Variants in RBFOX1 observed in about 807,000 individuals in gnomAD.
The protein encoded by RBFOX1 is RNA binding fox-1 homolog 1.
Under a neutral mutation model 57.7 loss-of-function variants are expected in RBFOX1, and 8 were observed. The ratio of observed to expected loss-of-function variants is 0.14; its 90% confidence interval spans 0.08 to 0.25. The LOEUF is 0.25. Among genes scored for constraint, RBFOX1 ranks in the 10% least tolerant of loss-of-function variants. RBFOX1 has a pLI of 1.00. For synonymous variants in RBFOX1, 326 were observed against 222.4 expected, an observed-to-expected ratio of 1.47 and a Z score of -4.15; for missense variants, 611 against 548.5, an observed-to-expected ratio of 1.11 and a Z score of -1.14.
chr16:6,694,113 G>C (rs1178137980), intron 3 of RBFOX1, among the ~76,000 whole-genome samples: 1 of 152,198 alleles, frequency 6.6e-6, no homozygotes. Flanking sequence ...GTTTGGAGAA[G>C]AGTTTCATCT....
chr16:6,658,928 G>GTTTTTTTGT (rs1555662284), intron 3 of RBFOX1, among the ~76,000 whole-genome samples: 2 of 87,564 alleles, frequency 2.3e-5, no homozygotes, highest in Middle Eastern at 5.2e-3. Flanking sequence ...TTGTTTTTTG[G>GTTTTTTTGT]TTTTTTTGTT....
chr16:7,217,614 A>C (rs745473353), intron 4 of RBFOX1, among the ~76,000 whole-genome samples: 1 of 152,148 alleles, frequency 6.6e-6, no homozygotes, highest in African/African-American at 2.4e-5. Context: ...TGAGAATATA[A>C]TCAATTACTT....
chr16:6,482,018 T>A (rs2095379050), intron 2 of RBFOX1, among the ~76,000 whole-genome samples: 1 of 152,216 alleles, frequency 6.6e-6, no homozygotes, highest in African/African-American at 2.4e-5. Context: ...ACTTGAAATA[T>A]TGCCTCTAGA....
intron 2 of RBFOX1, chr16:6,483,702 CAG>C: frequency 7.1e-7 from 1 of 1,406,586 alleles, no homozygotes; most frequent in Non-Finnish European, 9.3e-7. Flanking sequence ...GGGCGGGCGA[CAG>C]GGGGAGGAGT....
chr16:6,481,872 G>T (rs1009190940), intron 2 of RBFOX1, among the ~76,000 whole-genome samples: 1 of 152,054 alleles, frequency 6.6e-6, no homozygotes, highest in African/African-American at 2.4e-5. Context: ...CAAGGAGAAA[G>T]TTAAACACTG....
intron 1 of RBFOX1, among the ~76,000 whole-genome samples, chr16:6,207,342 T>C (rs1318580083): frequency 6.6e-6 from 1 of 152,220 alleles, no homozygotes; most frequent in East Asian, 1.9e-4. Context: ...GCTGATAAAA[T>C]TATCTAGCAG....
At position 7,710,771 on chromosome 16, in the gene RBFOX1, A is replaced by C. The variant is rs970699325; in HGVS notation, c.*26A>C. 12 of 1,521,862 alleles carry C rather than the reference A, an allele frequency of 7.9e-6. No individual in the cohort carries two copies. Among genetic ancestry groups the C allele is most frequent in the Non-Finnish European group, 9.7e-6 (11 of 1,132,964 alleles). 94.3% of individuals were successfully genotyped at this position (1,521,862 alleles called of 1,614,324 possible). ...ATGACAAAACCATAAAAACCTTCCA[A>C]TGTGGGGAGAAAGGAAGCTTTCCGA... is the stretch of plus-strand genomic sequence containing the variant. On this transcript the variant is annotated 3_prime_UTR_variant, in exon 16 of 16. Transcript: ENST00000550418.
At chr16:7,434,253 C>T (rs2098704725) in intron 4 of RBFOX1, among the ~76,000 whole-genome samples, 1 of 151,992 alleles carries the variant, frequency 6.6e-6, no homozygotes, top group African/African-American at 2.4e-5. Context: ...AGGCAGATCA[C>T]GACTTCAGAA....
At chr16:5,497,815 G>A (rs942322492) in intron 2 of RBFOX1, among the ~76,000 whole-genome samples, 1 of 152,074 alleles carries the variant, frequency 6.6e-6, no homozygotes, top group Admixed American at 6.5e-5. Context: ...TACAGATTCT[G>A]ATAATTGTCC....
At chr16:6,658,936 G>GTTTTTTTGTTTTTTTTTTTT (rs775736061) in intron 3 of RBFOX1, among the ~76,000 whole-genome samples, 3 of 108,476 alleles carry the variant, frequency 2.8e-5, no homozygotes, top group East Asian at 4.1e-4. Context: ...TGGTTTTTTT[G>GTTTTTTTGTTTTTTTTTTTT]TTTTTTTTGT....
At chr16:7,453,487 A>C (rs190370645) in intron 4 of RBFOX1, among the ~76,000 whole-genome samples, 1 of 152,186 alleles carries the variant, frequency 6.6e-6, no homozygotes, top group Non-Finnish European at 1.5e-5. Context: ...GGTTTTAAGC[A>C]TTGTAGCCTT....
At chr16:6,708,144 G>A (rs2063094067) in intron 3 of RBFOX1, among the ~76,000 whole-genome samples, 1 of 152,166 alleles carries the variant, frequency 6.6e-6, no homozygotes, top group Non-Finnish European at 1.5e-5. Flanking sequence ...GGCTTGGGGA[G>A]CGGGGGATGT....
chr16:6,741,112 A>C (rs960725692), intron 3 of RBFOX1, among the ~76,000 whole-genome samples: 1 of 152,160 alleles, frequency 6.6e-6, no homozygotes. Flanking sequence ...AAAGCAATTT[A>C]ATGGGGGAAG....
At chr16:6,895,229 C>T (rs948335206) in intron 3 of RBFOX1, among the ~76,000 whole-genome samples, 1 of 151,774 alleles carries the variant, frequency 6.6e-6, no homozygotes, top group Non-Finnish European at 1.5e-5. Flanking sequence ...ACCTCAGAGA[C>T]CAAATGTATA....
rs183782388 is a variant in RBFOX1 at position 6,791,810 on chromosome 16, T to G, written c.-16+137160T>G. Among the ~76,000 whole-genome samples the G allele has an allele frequency of 6.5e-4, 99 of 152,310 alleles. 1 individual carries two copies. The highest frequency in any genetic ancestry group is 5.9e-3 in the Admixed American group (91 of 15,306). ...GGACCCTTTGAGTGGCATCCCTGTG[T>G]GTACACAGTCATACCTCCAGGAAGG... On this transcript the variant is annotated intron_variant, in intron 3 of 15. Coordinates refer to ENST00000550418, the MANE Select transcript of RBFOX1 (RefSeq NM_018723.4).
intron 3 of RBFOX1, among the ~76,000 whole-genome samples, chr16:5,846,109 G>A (rs190672233): frequency 2.0e-5 from 3 of 152,094 alleles, no homozygotes; most frequent in African/African-American, 7.2e-5. Flanking sequence ...TTGAACCTTG[G>A]AGGCGGAGGT....
In RBFOX1 at chr16:5,763,902, A is replaced by G. The variant is rs979043241; in HGVS notation, c.319-103401A>G. Among the ~76,000 whole-genome samples the G allele has an allele frequency of 3.9e-5, 6 of 152,204 alleles. 1 individual carries two copies. Among genetic ancestry groups the G allele is most frequent in the Non-Finnish European group, 8.8e-5 (6 of 68,004 alleles). On this transcript the variant is annotated intron_variant, in intron 3 of 19. Transcript: ENST00000641259. ...TTTCCCAGATCTCTTTTTTATTTCC[A>G]GGTATGTATCCCGCCCTGGCATTAT...
intron 13 of RBFOX1, among the ~76,000 whole-genome samples, chr16:7,674,277 A>C (rs1229882110): frequency 6.6e-6 from 1 of 152,190 alleles, no homozygotes; most frequent in South Asian, 2.1e-4. Context: ...GGTATTGTCC[A>C]ATCCTTTGGC....
chr16:6,318,143 A>G (rs944227447), intron 2 of RBFOX1, among the ~76,000 whole-genome samples: 1 of 150,044 alleles, frequency 6.7e-6, no homozygotes, highest in African/African-American at 2.4e-5. Context: ...GATAGAAAGA[A>G]CTAAAAAGAT....
Sources: gnomAD v4.1 joint callset for allele counts (sites outside exome capture counted in the v4.1 genomes callset) on GRCh38, gnomAD v4.1.1 for gene constraint, MANE v1.5 for transcripts, NCBI Gene and HGNC (gene_info 2026-07-23, HGNC 2026-07-21) for gene names.